Variants in ABCB5 observed in about 807,000 individuals in gnomAD.
ABCB5 encodes the protein ATP-binding cassette sub-family B member 5.
A neutral mutation model predicts 144.2 loss-of-function variants in ABCB5; 155 were observed. The observed-to-expected ratio is 1.08, with a 90% CI of 0.94 to 1.23. The LOEUF (loss-of-function observed/expected upper bound fraction) is 1.23, where lower values mean the gene tolerates loss of function less well. ABCB5 is among the 50% of genes most tolerant of loss of function. The pLI, the probability that ABCB5 is intolerant of heterozygous loss-of-function variation, is 0.00. For synonymous variants in ABCB5, 610 were observed against 528.6 expected (o/e 1.15, Z -2.11); for missense variants, 1,830 against 1,520.8 (o/e 1.20, Z -3.38).
intron 19 of ABCB5, among the ~76,000 whole-genome samples, chr7:20,702,480 G>T (rs761548880): frequency 2.2e-4 from 33 of 151,910 alleles, no homozygotes; most frequent in Non-Finnish European, 4.0e-4. Flanking sequence ...ATGGCAGGCC[G>T]AACAAAATAA....
At chr7:20,653,894 G>A (rs1275996664) in intron 13 of ABCB5, among the ~76,000 whole-genome samples, 4 of 152,200 alleles carry the variant, frequency 2.6e-5, no homozygotes, top group Non-Finnish European at 5.9e-5. Flanking sequence ...CTGGAATGGA[G>A]AGATCACATT....
intron 14 of ABCB5, among the ~76,000 whole-genome samples, chr7:20,663,697 C>T (rs148573391): frequency 6.8e-6 from 1 of 146,346 alleles, no homozygotes; most frequent in Non-Finnish European, 1.5e-5. Context: ...ATTAAGATTG[C>T]AAATTTTATG....
At chr7:20,729,934 T>C (rs1455367288) in intron 23 of ABCB5, among the ~76,000 whole-genome samples, 2 of 152,236 alleles carry the variant, frequency 1.3e-5, no homozygotes, top group Admixed American at 1.3e-4. Context: ...ATTTTCAGGA[T>C]AGGTTCAATT....
At chr7:20,728,281 T>C (rs770632927) in intron 22 of ABCB5, 34 bp from the exon 23 acceptor site, 2 of 1,608,596 alleles carry the variant, frequency 1.2e-6, no homozygotes, top group South Asian at 1.1e-5. Flanking sequence ...CTATAATTCA[T>C]GCCTCATTAT....
intron 7 of ABCB5, among the ~76,000 whole-genome samples, chr7:20,645,446 C>T (rs1383920117): frequency 6.6e-6 from 1 of 152,052 alleles, no homozygotes; most frequent in Non-Finnish European, 1.5e-5. Context: ...AGGCAGTATC[C>T]CCGCTGTTCC....
At chr7:20,627,191 C>T (rs1194803262) in intron 3 of ABCB5, among the ~76,000 whole-genome samples, 1 of 152,016 alleles carries the variant, frequency 6.6e-6, no homozygotes, top group Admixed American at 6.6e-5. Flanking sequence ...GCCTGGCTGT[C>T]AATGTTATGT....
chr7:20,628,389 T>G (rs1429748738), intron 3 of ABCB5, among the ~76,000 whole-genome samples: 1 of 152,192 alleles, frequency 6.6e-6, no homozygotes, highest in African/African-American at 2.4e-5. Flanking sequence ...GTGCCATATT[T>G]TCTTAATCCA....
intron 20 of ABCB5, among the ~76,000 whole-genome samples, chr7:20,709,856 G>A (rs753624757): frequency 6.7e-6 from 1 of 148,420 alleles, no homozygotes; most frequent in Non-Finnish European, 1.5e-5. Flanking sequence ...CAAGGTGGGC[G>A]GATCACCTGA....
rs1453013593 is a variant in ABCB5, at chr7:20,755,525, T to G, written c.3675T>G (p.Val1225=). Residue 1225 remains valine, a synonymous_variant, in exon 28 of 28, where the codon GTT becomes GTG. Coordinates refer to ENST00000404938, the MANE Select transcript of ABCB5 (RefSeq NM_001163941.2). ...TTCAGAACGCAGATTTGATAGTGGT[T>G]CTGCACAATGGAAAGATAAAGGAAC... ...SAIQNADLIV[V]LHNGKIKEQG... is the part of the protein sequence containing the mutation. 6.2e-7 allele frequency: 1 copy of G among 1,614,182 alleles called. No individual in the cohort carries two copies.
chr7:20,651,397 T>C, intron 12 of ABCB5, 23 bp from the exon 13 acceptor site: 2 of 1,613,458 alleles, frequency 1.2e-6, no homozygotes, highest in Non-Finnish European at 1.7e-6. Context: ...CATCACAACA[T>C]GGTTCATTCT....
rs1785969708 is a variant in ABCB5, at chr7:20,685,711, G to A, written c.1885G>A (p.Asp629Asn). 6.2e-7 allele frequency: 1 copy of A among 1,608,818 alleles called. No individual in the cohort carries two copies. The highest frequency in any genetic ancestry group is 1.1e-5 in the South Asian group (1 of 89,964). Reference protein sequence around the residue: ...LVMSQDIKKADEQMESMTYST... With the variant: ...LVMSQDIKKANEQMESMTYST... ...TTCCTGTAAGGATATTAAAAAAGCTGATGAACAGATGGAGTCAATGACATA... is the reference window on the plus strand; with the variant it reads ...TTCCTGTAAGGATATTAAAAAAGCTAATGAACAGATGGAGTCAATGACATA... Residue 629 changes from aspartate to asparagine, a missense_variant, in exon 16 of 28, where the codon GAT becomes AAT. Coordinates refer to ENST00000404938, the MANE Select transcript of ABCB5 (RefSeq NM_001163941.2).
rs375429868 is a variant in ABCB5, at chr7:20,658,692, C to G, written c.1707+16C>G. ...ACTGGAGAAGGTAAGTGAGCAGAAA[C>G]GTTTCTTATTTCCATACTCCTGGTT... On this transcript the variant is annotated intron_variant, in intron 14 of 27. Transcript: ENST00000404938. 4 of 1,611,626 alleles carry G rather than the reference C, an allele frequency of 2.5e-6. No individual in the cohort carries two copies. The East Asian group carries it at 6.7e-5, about 27-fold the overall frequency.
At chr7:20,748,142 C>G (rs77960798) in intron 26 of ABCB5, among the ~76,000 whole-genome samples, 2 of 152,136 alleles carry the variant, frequency 1.3e-5, no homozygotes, top group Non-Finnish European at 1.5e-5. Context: ...GGAAAGGGTT[C>G]GTAACCATGG....
At position 20,698,530 on chromosome 7, in the gene ABCB5, A is replaced by G; in HGVS notation, c.2134A>G (p.Ile712Val). Residue 712 changes from isoleucine (I) to valine (V), a missense_variant, in exon 17 of 28, where the codon ATC becomes GTC. Physicochemically the swap from Ile to Val is conservative, Grantham distance 29 (BLOSUM62 3). Coordinates refer to ENST00000404938, the MANE Select transcript of ABCB5 (RefSeq NM_001163941.2). ...AACTGTTCATCCAGTATTTTCCATC[A>G]TCTTTGCAAAAATTATAACCGTAAG... ...NGTVHPVFSI[I>V]FAKIITMFGN... 6.3e-7 allele frequency: 1 copy of G among 1,592,856 alleles called. No individual in the cohort carries two copies. The highest frequency in any genetic ancestry group is 8.5e-7 in the Non-Finnish European group (1 of 1,174,336).
intron 27 of ABCB5, among the ~76,000 whole-genome samples, chr7:20,754,197 T>C (rs187931914): frequency 5.9e-5 from 9 of 152,356 alleles, no homozygotes; most frequent in Non-Finnish European, 1.0e-4. Context: ...ATTTTACAGA[T>C]TGGCACACTA....
chr7:20,627,398 G>C (rs1189037883), intron 3 of ABCB5, among the ~76,000 whole-genome samples: 1 of 152,116 alleles, frequency 6.6e-6, no homozygotes, highest in East Asian at 1.9e-4. Flanking sequence ...ATTAGCTATT[G>C]CAACGATGAA....
At chr7:20,679,471 C>A (rs372294079) in intron 14 of ABCB5, among the ~76,000 whole-genome samples, 30 of 59,438 alleles carry the variant, frequency 5.0e-4, no homozygotes, top group South Asian at 2.9e-3. Flanking sequence ...AACTCCATCT[C>A]AAAAAAAAAA....
At chr7:20,700,211 A>G in intron 19 of ABCB5, 76 bp downstream of exon 19, 7 of 1,289,782 alleles carry the variant, frequency 5.4e-6, no homozygotes, top group Non-Finnish European at 7.4e-6. Flanking sequence ...TTCTGTCTCA[A>G]GTCAATTTTT....
chr7:20,638,959 C>A (rs1465529838), intron 5 of ABCB5, among the ~76,000 whole-genome samples: 1 of 152,138 alleles, frequency 6.6e-6, no homozygotes, highest in Non-Finnish European at 1.5e-5. Flanking sequence ...AGTGGCTACA[C>A]CATTTTACTG....
Sources: gnomAD v4.1 joint callset for allele counts (sites outside exome capture counted in the v4.1 genomes callset) on GRCh38, gnomAD v4.1.1 for gene constraint, MANE v1.5 for transcripts, NCBI Gene and HGNC (gene_info 2026-07-23, HGNC 2026-07-21) for gene names.